TMC1: variants seen among roughly 807,000 people sequenced by gnomAD.
TMC1 encodes transmembrane channel-like protein 1.
In TMC1, 84 loss-of-function variants were observed where a neutral mutation model predicts 105.8. The observed-to-expected ratio is 0.79, with a 90% CI of 0.67 to 0.95. The LOEUF is 0.95. TMC1 is among the 40% of genes least tolerant of loss of function. TMC1 has a pLI of 0.00. For missense variants in TMC1, 817 were observed against 914.1 expected (o/e 0.89, Z 1.37); for synonymous variants, 315 against 311.5 (o/e 1.01, Z -0.12).
rs1438385053 is a variant in TMC1, at chr9:72,655,385, G to C, written c.16+6721G>C. On this transcript the variant is annotated intron_variant, in intron 5 of 23. Transcript: ENST00000297784. ...GTTGCTAGTCCCTTTTTTCCCTTCAGTGCTTTAAGGATTTCACTCTTCCAT... is the reference window on the plus strand; with the variant it reads ...GTTGCTAGTCCCTTTTTTCCCTTCACTGCTTTAAGGATTTCACTCTTCCAT... Among the ~76,000 whole-genome samples, 3 of 151,972 alleles carry C rather than the reference G, an allele frequency of 2.0e-5. No individual in the cohort carries two copies. The East Asian group carries it at 5.8e-4, about 29-fold the overall frequency.
At chr9:72,719,817 G>C (rs1826988880) in intron 8 of TMC1, among the ~76,000 whole-genome samples, 1 of 152,136 alleles carries the variant, frequency 6.6e-6, no homozygotes. Flanking sequence ...CTTGAGTATA[G>C]CAATTTTTCA....
At position 72,549,608 on chromosome 9, in the gene TMC1, ATTTT is replaced by A. The variant is rs71357585; in HGVS notation, c.-428+27712_-428+27715del. ...CAGGCACGTACCACCACATCTGGCT[ATTTT>A]TTTTTTTTTTTTTTTTGAGACGAAG... On this transcript the variant is annotated intron_variant, in intron 1 of 23. Coordinates refer to ENST00000297784, the MANE Select transcript of TMC1 (RefSeq NM_138691.3). 7.0e-3 allele frequency among the ~76,000 whole-genome samples: 850 copies of A among 120,810 alleles called. 5 individuals carry two copies. The highest frequency in any genetic ancestry group is 0.023 in the African/African-American group (732 of 31,364). 79.3% of individuals were successfully genotyped at this position (120,810 alleles called of 152,430 possible). A position where few individuals can be genotyped will look rare whatever the true frequency, so the allele number is the denominator to read the frequency against.
chr9:72,755,073 A>G (rs930573091), intron 12 of TMC1, among the ~76,000 whole-genome samples, 189 bp downstream of exon 12: 12 of 86,108 alleles, frequency 1.4e-4, no homozygotes, highest in Admixed American at 5.0e-4. Context: ...GGAGGGAGGG[A>G]GAGAGAGAGA....
chr9:72,568,138 G>A (rs1824199140), intron 1 of TMC1, among the ~76,000 whole-genome samples: 1 of 151,534 alleles, frequency 6.6e-6, no homozygotes, highest in Admixed American at 6.6e-5. Flanking sequence ...GATAAACATG[G>A]TTTAGCTTTT....
At chr9:72,757,780 A>AT (rs766741177) in intron 12 of TMC1, among the ~76,000 whole-genome samples, 50 of 151,614 alleles carry the variant, frequency 3.3e-4, no homozygotes, top group African/African-American at 1.0e-3. Flanking sequence ...AAGAGTTTAG[A>AT]TTTTTTTTTA....
At chr9:72,755,071 G>GGAGAGAGAGAGAGAGAGAGAGAGA (rs55848138) in intron 12 of TMC1, among the ~76,000 whole-genome samples, 187 bp downstream of exon 12, 1 of 126,938 alleles carries the variant, frequency 7.9e-6, no homozygotes. Flanking sequence ...AGGGAGGGAG[G>GGAGAGAGAGAGAGAGAGAGAGAGA]GAGAGAGAGA....
At chr9:72,763,144 C>T (rs1827782524) in intron 12 of TMC1, among the ~76,000 whole-genome samples, 1 of 145,366 alleles carries the variant, frequency 6.9e-6, no homozygotes, top group Admixed American at 7.0e-5. Context: ...TCACCTCCCT[C>T]AGGCTACACT....
intron 19 of TMC1, 64 bp downstream of exon 19, chr9:72,816,274 G>A (rs1372351848): frequency 2.0e-6 from 3 of 1,471,344 alleles, no homozygotes; most frequent in Non-Finnish European, 2.9e-6. Flanking sequence ...TTTGCATACA[G>A]CATTGAATCC....
At chr9:72,713,568 TTA>T (rs1342444970) in intron 8 of TMC1, among the ~76,000 whole-genome samples, 3 of 152,322 alleles carry the variant, frequency 2.0e-5, no homozygotes, top group Non-Finnish European at 4.4e-5. Flanking sequence ...ATAGAGGTAT[TTA>T]TAGTATTCTC....
At chr9:72,686,436 G>A (rs1250219100) in intron 5 of TMC1, among the ~76,000 whole-genome samples, 1 of 152,204 alleles carries the variant, frequency 6.6e-6, no homozygotes, top group Non-Finnish European at 1.5e-5. Context: ...TTGTCTTGGA[G>A]GGAGTTCTTA....
At chr9:72,746,132 A>T (rs1383658032) in intron 10 of TMC1, among the ~76,000 whole-genome samples, 1 of 152,248 alleles carries the variant, frequency 6.6e-6, no homozygotes, top group African/African-American at 2.4e-5. Context: ...TACATATTTA[A>T]TTATAAAACG....
chr9:72,770,739 T>G (rs1564543437), intron 12 of TMC1, among the ~76,000 whole-genome samples: 1 of 152,138 alleles, frequency 6.6e-6, no homozygotes, highest in Non-Finnish European at 1.5e-5. Flanking sequence ...AGTGCTGTAA[T>G]TCAGTCTGAA....
At chr9:72,675,993 G>C (rs1826196231) in intron 5 of TMC1, among the ~76,000 whole-genome samples, 1 of 152,024 alleles carries the variant, frequency 6.6e-6, no homozygotes. Flanking sequence ...AATGACTGCT[G>C]GTCCTTTGTT....
chr9:72,572,295 C>T (rs1242891187), intron 1 of TMC1, among the ~76,000 whole-genome samples: 1 of 151,938 alleles, frequency 6.6e-6, no homozygotes, highest in Non-Finnish European at 1.5e-5. Context: ...CTCCCAGGTG[C>T]AAGCAATTCT....
intron 10 of TMC1, among the ~76,000 whole-genome samples, chr9:72,749,790 G>A (rs1052311170): frequency 1.3e-5 from 2 of 152,132 alleles, no homozygotes; most frequent in Admixed American, 6.6e-5. Context: ...CTGTTTTACA[G>A]GAATAAGAAA....
chr9:72,796,797 C>T (rs559632428), intron 17 of TMC1, among the ~76,000 whole-genome samples: 7 of 152,214 alleles, frequency 4.6e-5, no homozygotes, highest in Admixed American at 1.3e-4. Flanking sequence ...AAAGCATTCC[C>T]CTTGAAAACC....
intron 6 of TMC1, 29 bp downstream of exon 6, chr9:72,688,785 A>G: frequency 1.3e-6 from 2 of 1,583,512 alleles, no homozygotes; most frequent in Non-Finnish European, 1.7e-6. Context: ...CTTGGGATAC[A>G]TTTCCTATGG....
chr9:72,719,459 G>A (rs1826978507), intron 8 of TMC1, among the ~76,000 whole-genome samples: 3 of 152,150 alleles, frequency 2.0e-5, no homozygotes, highest in Admixed American at 1.3e-4. Flanking sequence ...TGGACCTTTA[G>A]GTTCCCCAGT....
intron 3 of TMC1, among the ~76,000 whole-genome samples, chr9:72,627,302 G>T (rs1180871987): frequency 6.6e-6 from 1 of 152,084 alleles, no homozygotes; most frequent in Admixed American, 6.6e-5. Flanking sequence ...TGATTGTCAG[G>T]GGTCCTGATC....
Sources: allele counts gnomAD v4.1 joint callset (sites outside exome capture counted in the v4.1 genomes callset), GRCh38; gene constraint gnomAD v4.1.1; transcripts MANE v1.5; gene names NCBI Gene and HGNC (gene_info 2026-07-23, HGNC 2026-07-21).